Variants in LSS observed in about 807,000 individuals in gnomAD.
LSS encodes lanosterol synthase, also known as 2,3-epoxysqualene-lanosterol cyclase.
A neutral mutation model predicts 110.3 loss-of-function variants in LSS; 90 were observed. The observed-to-expected ratio is 0.82, with a 90% CI of 0.69 to 0.97. LSS has a LOEUF of 0.97. Ranked by LOEUF, LSS falls within the 50% of genes least tolerant of loss-of-function variation. The pLI is 0.00. For missense variants in LSS, 927 were observed against 990.0 expected (o/e 0.94, Z 0.85); for synonymous variants, 433 against 400.0 (o/e 1.08, Z -0.98).
In LSS at chr21:46,221,031, G is replaced by C. The variant is rs189833562; in HGVS notation, c.550+823C>G. The stretch of plus-strand genomic sequence containing the variant: ...CGGGGCTTGGATAGGTGGACAGCCA[G>C]GGCTTGGAGAGGTAGCCAGACCAGG... On this transcript the variant is annotated intron_variant, in intron 5 of 21. Coordinates refer to ENST00000397728, the MANE Select transcript of LSS (RefSeq NM_002340.6). 3.1e-3 allele frequency among the ~76,000 whole-genome samples: 468 copies of C among 150,028 alleles called. 3 individuals are homozygous for C. Among genetic ancestry groups the C allele is most frequent in the Non-Finnish European group, 3.0e-3 (201 of 67,478 alleles).
rs1232510257 is a variant in LSS, at chr21:46,189,794, A to T, written c.*1310T>A. On this transcript the variant is annotated 3_prime_UTR_variant, in exon 22 of 22. Transcript: ENST00000397728. ...GTATAGGGTGTGCCCTGGGCAAGGC[A>T]GCAGGGGTAACGAAGCTCTCAGTGA... 2 of 448,768 alleles carry T rather than the reference A, an allele frequency of 4.5e-6. No homozygotes were observed. Among genetic ancestry groups the T allele is most frequent in the Admixed American group, 4.8e-5 (2 of 41,844 alleles). 27.8% of individuals were successfully genotyped at this position (448,768 alleles called of 1,614,324 possible). A position where few individuals can be genotyped will look rare whatever the true frequency, so the allele number is the denominator to read the frequency against.
At chr21:46,191,540 T>C (rs2079815459) in intron 21 of LSS, among the ~76,000 whole-genome samples, 1 of 152,164 alleles carries the variant, frequency 6.6e-6, no homozygotes, top group African/African-American at 2.4e-5. Context: ...CATGACCTCA[T>C]GACACCCACA....
Position 46,209,651 on chromosome 21 carries a change from G to T in LSS, c.1195-26C>A, listed in dbSNP as rs1185414874. 33 of 1,598,042 alleles carry T rather than the reference G, an allele frequency of 2.1e-5. No individual in the cohort carries two copies. The highest frequency in any genetic ancestry group is 3.4e-5 in the Admixed American group (2 of 58,272). On this transcript the variant is annotated intron_variant, in intron 12 of 21. Transcript: ENST00000397728. This position sits in a 1 kb window ranked among gnomAD's most constrained non-coding sequence, Gnocchi z 4.4. ...CTGGAAGAGACAGCAGGACAGAGAG[G>T]CTCAGCTGCCCTTGCACGGCCAGCA... is the stretch of plus-strand genomic sequence containing the variant.
Position 46,219,445 on chromosome 21 carries a change from G to A in LSS, c.647+31C>T, listed in dbSNP as rs200929775. 717 of 1,517,866 alleles carry A rather than the reference G, an allele frequency of 4.7e-4. 1 individual carries two copies. The highest frequency in any genetic ancestry group is 6.1e-4 in the Non-Finnish European group (682 of 1,116,832). The allele number at this position is 1,517,866 out of a possible 1,614,324, so 94.0% of individuals were successfully genotyped here. ...CTCTACTCCCCGGGACAGCAGCAGC[G>A]ACCCAACAACCCAATCAACAGCAGA... is the stretch of plus-strand genomic sequence containing the variant. On this transcript the variant is annotated intron_variant, in intron 6 of 21. Coordinates refer to ENST00000397728, the MANE Select transcript of LSS (RefSeq NM_002340.6).
intron 3 of LSS, chr21:46,225,440 C>A (rs996779297): frequency 1.8e-5 from 8 of 449,548 alleles, no homozygotes; most frequent in Non-Finnish European, 3.1e-5. Context: ...ACTTAGCATA[C>A]CGGGAAAGGG....
rs554516138 is a variant in LSS at position 46,225,407 on chromosome 21, A to G, written c.319+2145T>C. On this transcript the variant is annotated intron_variant, in intron 3 of 21. Transcript: ENST00000397728. ...CCAACCGTGGTCTAGCGGTAGCGTCAGTGTCAAGGAAAAACACCCGCTACT... is the reference window on the plus strand; with the variant it reads ...CCAACCGTGGTCTAGCGGTAGCGTCGGTGTCAAGGAAAAACACCCGCTACT... The G allele has an allele frequency of 1.5e-3, 682 of 449,790 alleles. 12 individuals carry two copies. The highest frequency in any genetic ancestry group is 0.01 in the South Asian group (670 of 64,326). 27.9% of individuals were successfully genotyped at this position (449,790 alleles called of 1,614,324 possible). A position where few individuals can be genotyped will look rare whatever the true frequency, so the allele number is the denominator to read the frequency against.
intron 20 of LSS, chr21:46,192,737 T>C: frequency 2.2e-6 from 1 of 453,764 alleles, no homozygotes; most frequent in Non-Finnish European, 4.4e-6. Flanking sequence ...GATGGGATAC[T>C]GCGGGTGCAT....
chr21:46,204,187 C>T (rs527825564), intron 17 of LSS, among the ~76,000 whole-genome samples: 11 of 151,888 alleles, frequency 7.2e-5, no homozygotes, highest in East Asian at 5.8e-4. Flanking sequence ...CCCAGCTACT[C>T]GGGAGGCTGA....
At position 46,194,475 on chromosome 21, in the gene LSS, G is replaced by A; in HGVS notation, c.1988+16C>T. 6.2e-7 allele frequency: 1 copy of A among 1,612,394 alleles called. No homozygotes were observed. Among genetic ancestry groups the A allele is most frequent in the Middle Eastern group, 1.8e-4 (1 of 5,644 alleles). On this transcript the variant is annotated intron_variant, in intron 20 of 21. Coordinates refer to ENST00000397728, the MANE Select transcript of LSS (RefSeq NM_002340.6). ...TACCCAAACCCAAGGCTCAGGGACG[G>A]TCCCGTCGTCCCCACCGAACGGCCA...
At chr21:46,213,435 C>T (rs2080159401) in intron 10 of LSS, among the ~76,000 whole-genome samples, 1 of 152,162 alleles carries the variant, frequency 6.6e-6, no homozygotes, top group Non-Finnish European at 1.5e-5. Context: ...GGGCACAGTC[C>T]ATGGCTGACA....
chr21:46,226,079 C>T (rs543966107), intron 3 of LSS, among the ~76,000 whole-genome samples: 7 of 150,792 alleles, frequency 4.6e-5, no homozygotes, highest in East Asian at 1.9e-4. Context: ...GAGGCTGCAA[C>T]GAGCCAAAAT....
rs1248788315 is a variant in LSS at position 46,215,307 on chromosome 21, G to T, written c.893-9C>A. 5 of 1,581,702 alleles carry T rather than the reference G, an allele frequency of 3.2e-6. No individual in the cohort carries two copies. The highest frequency in any genetic ancestry group is 4.3e-6 in the Non-Finnish European group (5 of 1,158,328). On this transcript the variant is annotated splice_polypyrimidine_tract_variant and intron_variant, in intron 8 of 21. Transcript: ENST00000397728. ...ATACAGGTTGAGGAGCGCTACAGGG[G>T]ACAGGGGTCAGTGGATGCCAGACAC...
At chr21:46,221,212 T>TGGACAGCCCCGGGCTTGGAGAGGC (rs2080275793) in intron 5 of LSS, among the ~76,000 whole-genome samples, 2 of 150,450 alleles carry the variant, frequency 1.3e-5, no homozygotes, top group Non-Finnish European at 3.0e-5. Flanking sequence ...CTTGGAGAGG[T>TGGACAGCCCCGGGCTTGGAGAGGC]AGACGATCAG....
intron 14 of LSS, 146 bp from the exon 15 acceptor site, chr21:46,207,723 G>T: frequency 1.1e-6 from 1 of 920,772 alleles, no homozygotes; most frequent in Non-Finnish European, 1.6e-6. Flanking sequence ...TGCAGCCAGG[G>T]CCCCAAGCTG....
chr21:46,214,325 G>A (rs1172254384), intron 9 of LSS, among the ~76,000 whole-genome samples: 1 of 152,210 alleles, frequency 6.6e-6, no homozygotes, highest in African/African-American at 2.4e-5. Context: ...CCAATTGCAA[G>A]CATGTTTCTA....
intron 17 of LSS, among the ~76,000 whole-genome samples, chr21:46,199,355 A>C (rs1243428412): frequency 2.0e-5 from 3 of 152,230 alleles, no homozygotes; most frequent in Non-Finnish European, 4.4e-5. Flanking sequence ...CTAAAACCCA[A>C]AACACAACAG....
At chr21:46,226,281 T>G (rs2080338969) in intron 3 of LSS, among the ~76,000 whole-genome samples, 1 of 152,214 alleles carries the variant, frequency 6.6e-6, no homozygotes, top group Non-Finnish European at 1.5e-5. Flanking sequence ...CCTGACACTG[T>G]GCACATGACC....
At chr21:46,224,255 C>T (rs4819218) in intron 3 of LSS, among the ~76,000 whole-genome samples, 79,359 of 151,882 alleles carry the variant, frequency 0.52, 21,505 homozygotes, top group African/African-American at 0.67. Context: ...ACGTGACCCA[C>T]GTGACCTTAC....
chr21:46,227,553 T>C lies in LSS; in HGVS notation c.318A>G (p.Pro106=). 6.2e-7 allele frequency: 1 copy of C among 1,613,970 alleles called. No homozygotes were observed. The highest frequency in any genetic ancestry group is 8.5e-7 in the Non-Finnish European group (1 of 1,179,988). Residue 106 remains proline, a splice_region_variant and synonymous_variant, in exon 3 of 22, where the codon CCA becomes CCG. Transcript: ENST00000397728. ...CAGGCTGGGGCAGCATACTCCTACCTGGCAGGAGGAAAAGTGGGCCACCAT... is the reference window on the plus strand; with the variant it reads ...CAGGCTGGGGCAGCATACTCCTACCCGGCAGGAGGAAAAGTGGGCCACCAT... ...GDYGGPLFLL[P]GLLITCHVAR... is the part of the protein sequence containing the mutation.
Sources: gnomAD v4.1 joint callset for allele counts (sites outside exome capture counted in the v4.1 genomes callset) on GRCh38, gnomAD v4.1.1 for gene constraint, Gnocchi (gnomAD v3.1) non-coding constraint, MANE v1.5 for transcripts, NCBI Gene and HGNC (gene_info 2026-07-23, HGNC 2026-07-21) for gene names.